RBPMS2: variants seen among roughly 807,000 people sequenced by gnomAD.
RBPMS2 encodes RNA binding protein, mRNA processing factor 2, also known as RNA-binding protein with multiple splicing 2.
Under a neutral mutation model 25.7 loss-of-function variants are expected in RBPMS2, and 14 were observed. The observed-to-expected ratio is 0.55, with a 90% CI of 0.36 to 0.85. The LOEUF (loss-of-function observed/expected upper bound fraction) is 0.85, where lower values mean the gene tolerates loss of function less well. RBPMS2 is among the 40% of genes least tolerant of loss of function. The probability of loss-of-function intolerance (pLI) is 0.01; values close to 1 mark genes in which losing one functional copy is unlikely to be tolerated. For synonymous variants in RBPMS2, 127 were observed against 115.6 expected (o/e 1.10, Z -0.63); for missense variants, 252 against 283.4 (o/e 0.89, Z 0.80).
chr15:64,748,647 T>C, intron 5 of RBPMS2, 80 bp from the exon 6 acceptor site: 1 of 1,473,058 alleles, frequency 6.8e-7, no homozygotes, highest in Non-Finnish European at 9.1e-7. Flanking sequence ...AGCACTATGG[T>C]TGAGCCATAT....
intron 1 of RBPMS2, among the ~76,000 whole-genome samples, chr15:64,771,261 T>C (rs2141080614): frequency 6.6e-6 from 1 of 152,354 alleles, no homozygotes; most frequent in Middle Eastern, 3.4e-3. Context: ...TTTTAAAAAT[T>C]ACTATAACTT....
At position 64,761,635 on chromosome 15, in the gene RBPMS2, C is replaced by T. The variant is rs369258421; in HGVS notation, c.88-9997G>A. ...CTCACTGCAGCCTCCTGGACTCAAGCGATCCTCTTGCCTCCATCTCCTGAG... is the reference window on the plus strand; with the variant it reads ...CTCACTGCAGCCTCCTGGACTCAAGTGATCCTCTTGCCTCCATCTCCTGAG... On this transcript the variant is annotated intron_variant, in intron 1 of 7. Transcript: ENST00000300069. Among the ~76,000 whole-genome samples, 4 of 150,902 alleles carry T rather than the reference C, an allele frequency of 2.7e-5. No individual in the cohort carries two copies. In the East Asian group the frequency reaches 7.8e-4, roughly 30 times the overall value.
At chr15:64,757,836 C>T (rs915641154) in intron 1 of RBPMS2, among the ~76,000 whole-genome samples, 7 of 151,914 alleles carry the variant, frequency 4.6e-5, no homozygotes, top group African/African-American at 1.7e-4. Flanking sequence ...ATCAGCCAGG[C>T]GTGGTGGAAG....
intron 1 of RBPMS2, among the ~76,000 whole-genome samples, chr15:64,767,536 G>A (rs964791737): frequency 6.6e-6 from 1 of 152,192 alleles, no homozygotes; most frequent in East Asian, 1.9e-4. Flanking sequence ...CTGAGGCCCC[G>A]AAGGATAAAA....
chr15:64,741,774 C>T (rs1163320280), intron 6 of RBPMS2, among the ~76,000 whole-genome samples: 1 of 152,234 alleles, frequency 6.6e-6, no homozygotes, highest in Non-Finnish European at 1.5e-5. Context: ...TGGCACACAC[C>T]TGTAATCCCA....
At position 64,775,336 on chromosome 15, in the gene RBPMS2, CG is replaced by C; in HGVS notation, c.-18del. 1 of 1,260,188 alleles carries C rather than the reference CG, an allele frequency of 7.9e-7. No individual in the cohort carries two copies. The highest frequency in any genetic ancestry group is 1.0e-6 in the Non-Finnish European group (1 of 995,990). The allele number at this position is 1,260,188 out of a possible 1,614,324, so 78.1% of individuals were successfully genotyped here. ...GTTGCTCATGGTGCGGGGGAGGGGG[CG>C]GCGGGAAGGAACGCGAGGGCGAGCG... On this transcript the variant is annotated 5_prime_UTR_variant, in exon 1 of 8. Transcript: ENST00000300069.
chr15:64,764,933 AAAAG>A (rs1296967335), intron 1 of RBPMS2, among the ~76,000 whole-genome samples: 204 of 132,814 alleles, frequency 1.5e-3, no homozygotes, highest in Non-Finnish European at 2.9e-3. Context: ...AAAAAAAAAA[AAAAG>A]AAGAACTGGC....
At chr15:64,766,651 T>C (rs1036398731) in intron 1 of RBPMS2, among the ~76,000 whole-genome samples, 1 of 151,556 alleles carries the variant, frequency 6.6e-6, no homozygotes, top group African/African-American at 2.4e-5. Context: ...TCAACCTCCC[T>C]AGTAGCTGGG....
intron 1 of RBPMS2, among the ~76,000 whole-genome samples, chr15:64,755,687 G>A (rs936731910): frequency 6.6e-5 from 10 of 152,168 alleles, no homozygotes; most frequent in Admixed American, 3.9e-4. Flanking sequence ...TAGGATGACA[G>A]CCACACCAGA....
At chr15:64,745,698 T>C (rs1202568853) in intron 6 of RBPMS2, among the ~76,000 whole-genome samples, 2 of 152,102 alleles carry the variant, frequency 1.3e-5, no homozygotes, top group African/African-American at 2.4e-5. Flanking sequence ...TCACCCTCTT[T>C]AAGGGGAAGA....
chr15:64,765,596 G>A (rs139289587), intron 1 of RBPMS2, among the ~76,000 whole-genome samples: 4 of 4,996 alleles, frequency 8.0e-4, no homozygotes, highest in Middle Eastern at 0.17. Flanking sequence ...AAAAAAGGGC[G>A]GGGGGGGACC....
chr15:64,763,838 A>G (rs2083815867), intron 1 of RBPMS2, among the ~76,000 whole-genome samples: 1 of 134,708 alleles, frequency 7.4e-6, no homozygotes, highest in Admixed American at 7.5e-5. Context: ...GACTGGGGGG[A>G]ACTAAGCCAG....
At chr15:64,762,908 T>C (rs1595793192) in intron 1 of RBPMS2, among the ~76,000 whole-genome samples, 1 of 152,046 alleles carries the variant, frequency 6.6e-6, no homozygotes, top group Admixed American at 6.6e-5. Flanking sequence ...GGGGACAAGA[T>C]GGAAGTCAGG....
intron 1 of RBPMS2, among the ~76,000 whole-genome samples, chr15:64,761,504 A>T (rs1236466304): frequency 6.6e-6 from 1 of 152,048 alleles, no homozygotes; most frequent in Non-Finnish European, 1.5e-5. Flanking sequence ...ACCCACTCAG[A>T]CCCAGTGGGG....
intron 5 of RBPMS2, 98 bp from the exon 6 acceptor site, chr15:64,748,665 A>C: frequency 2.1e-6 from 3 of 1,406,738 alleles, no homozygotes; most frequent in Non-Finnish European, 2.9e-6. Context: ...TATGCCCCAC[A>C]CTGAGGCCAG....
At chr15:64,752,121 C>A (rs1248760148) in intron 1 of RBPMS2, among the ~76,000 whole-genome samples, 1 of 151,932 alleles carries the variant, frequency 6.6e-6, no homozygotes, top group Non-Finnish European at 1.5e-5. Context: ...TACACCACCA[C>A]GCCATGCTAA....
At chr15:64,742,566 G>A (rs868084746) in intron 6 of RBPMS2, among the ~76,000 whole-genome samples, 7 of 152,348 alleles carry the variant, frequency 4.6e-5, no homozygotes, top group East Asian at 3.9e-4. Context: ...AGGGAAGGCC[G>A]CCTGCCCCAG....
intron 6 of RBPMS2, among the ~76,000 whole-genome samples, chr15:64,742,677 G>C (rs1217570363): frequency 1.3e-5 from 2 of 152,222 alleles, no homozygotes; most frequent in Non-Finnish European, 2.9e-5. Context: ...TGCGGTTGGG[G>C]GATGAGCATC....
intron 1 of RBPMS2, among the ~76,000 whole-genome samples, chr15:64,768,654 A>T (rs1003863768): frequency 6.6e-6 from 1 of 150,986 alleles, no homozygotes; most frequent in South Asian, 2.1e-4. Context: ...AAAAAAAAAA[A>T]TTAGCTGGGC....
Sources: gnomAD v4.1 joint callset for allele counts (sites outside exome capture counted in the v4.1 genomes callset) on GRCh38, gnomAD v4.1.1 for gene constraint, MANE v1.5 for transcripts, NCBI Gene and HGNC (gene_info 2026-07-23, HGNC 2026-07-21) for gene names.